Variants in TECTB observed in about 807,000 individuals in gnomAD.
The protein encoded by TECTB is tectorin beta.
A neutral mutation model predicts 43.3 loss-of-function variants in TECTB; 45 were observed. That is an observed-to-expected ratio of 1.04 (90% CI 0.82 to 1.33). The LOEUF is 1.33. Among genes scored for constraint, TECTB ranks in the 40% most tolerant of loss-of-function variants. TECTB has a pLI of 0.00. For synonymous variants in TECTB, 169 were observed against 156.7 expected, an observed-to-expected ratio of 1.08 and a Z score of -0.59; for missense variants, 399 against 404.7, an observed-to-expected ratio of 0.99 and a Z score of 0.12.
intron 3 of TECTB, among the ~76,000 whole-genome samples, chr10:112,285,231 T>A (rs942683743): frequency 6.6e-6 from 1 of 152,370 alleles, no homozygotes; most frequent in South Asian, 2.1e-4. Flanking sequence ...AAGTATCATA[T>A]GACAGACGAG....
intron 7 of TECTB, among the ~76,000 whole-genome samples, chr10:112,296,677 G>A (rs543784006): frequency 5.7e-4 from 87 of 152,184 alleles, no homozygotes; most frequent in African/African-American, 2.0e-3. Flanking sequence ...CAGATACAAA[G>A]GTACAGCATT....
Position 112,299,565 on chromosome 10 carries a change from GTA to G in TECTB, c.907+2_907+3del. 6.4e-7 allele frequency: 1 copy of G among 1,569,770 alleles called. No homozygotes were observed. The highest frequency in any genetic ancestry group is 8.6e-7 in the Non-Finnish European group (1 of 1,163,402). ...CTGGTCGTGGAGCTCTCCCTGCGGA[GTA>G]AGCGTCTCTGTTTTCCTCTGTTTTC... On this transcript the variant is annotated splice_donor_variant and splice_donor_region_variant and intron_variant, in intron 9 of 10. Transcript: ENST00000646139. LOFTEE classifies it high-confidence loss of function.
chr10:112,300,232 A>AAGAAAGAAAG (rs1369405144), intron 9 of TECTB, among the ~76,000 whole-genome samples: 13 of 36,170 alleles, frequency 3.6e-4, no homozygotes, highest in Admixed American at 1.6e-3. Context: ...GAAAGAAATA[A>AAGAAAGAAAG]AGAAAGAAAG....
chr10:112,296,038 C>A (rs1848544274), intron 7 of TECTB, among the ~76,000 whole-genome samples: 2 of 152,318 alleles, frequency 1.3e-5, no homozygotes, highest in East Asian at 1.9e-4. Flanking sequence ...TTTCTACATT[C>A]TTCCTAGTTG....
rs1236325978 is a variant in TECTB, at chr10:112,303,551, G to A, written c.*239G>A. 2.2e-5 allele frequency: 12 copies of A among 538,440 alleles called. No individual in the cohort carries two copies. Among genetic ancestry groups the A allele is most frequent in the Non-Finnish European group, 3.6e-5 (11 of 302,362 alleles). The allele number at this position is 538,440 out of a possible 1,614,324, so 33.4% of individuals were successfully genotyped here. ...GATCTCACAGTCCTTCTACAGCTGG[G>A]GGAGGAGCCTCCTTTCTCCATACTC... is the stretch of plus-strand genomic sequence containing the variant. On this transcript the variant is annotated 3_prime_UTR_variant, in exon 11 of 11. Coordinates refer to ENST00000646139, the MANE Select transcript of TECTB (RefSeq NM_058222.3).
chr10:112,303,023 C>A lies in TECTB; in HGVS notation c.941-240C>A, dbSNP rs1887134. The A allele has an allele frequency of 3.8e-3, 2,037 of 540,388 alleles. 67 individuals are homozygous for A. In the Admixed American group the frequency reaches 0.054, roughly 14 times the overall value. 33.5% of individuals were successfully genotyped at this position (540,388 alleles called of 1,614,324 possible). ...GTTTTTAAGTTCTACACTGAAAGCC[C>A]TAGAGTACCATGCACCATCACTGAT... is the stretch of plus-strand genomic sequence containing the variant. On this transcript the variant is annotated intron_variant, in intron 10 of 10. Transcript: ENST00000646139.
At position 112,293,807 on chromosome 10, in the gene TECTB, T is replaced by C. The variant is rs778243122; in HGVS notation, c.553T>C (p.Phe185Leu). The C allele has an allele frequency of 1.2e-6, 2 of 1,614,170 alleles. No homozygotes were observed. Among genetic ancestry groups the C allele is most frequent in the South Asian group, 2.2e-5 (2 of 91,084 alleles). ...LEASEIGSDLFAGVEAKGLSI... is the reference protein window; with the variant it reads ...LEASEIGSDLLAGVEAKGLSI... The stretch of plus-strand genomic sequence containing the variant: ...GGCATCCGAAATCGGTTCAGATCTG[T>C]TTGCAGGAGTGGAAGCCAAAGGGTT... The change falls in exon 6 of 11, where the codon TTT (phenylalanine) becomes CTT (leucine). Residue 185 changes from phenylalanine to leucine, a missense_variant. Coordinates refer to ENST00000646139, the MANE Select transcript of TECTB (RefSeq NM_058222.3).
chr10:112,286,383 T>G lies in TECTB; in HGVS notation c.475T>G (p.Phe159Val). ...ATTTGAGAGCCAACTGTCTCTCAAC[T>G]TCTACACTGTAAGTGGTCTCCAGGT... is the stretch of plus-strand genomic sequence containing the variant. ...GTFESQLSLN[F>V]YTNAKFSIKK... is the part of the protein sequence containing the mutation. Residue 159 changes from phenylalanine to valine, a missense_variant, in exon 5 of 11, where the codon TTC becomes GTC. By Grantham distance (50) the Phe-to-Val change is conservative. Coordinates refer to ENST00000646139, the MANE Select transcript of TECTB (RefSeq NM_058222.3). 6.2e-7 allele frequency: 1 copy of G among 1,607,126 alleles called. No individual in the cohort carries two copies. Among genetic ancestry groups the G allele is most frequent in the Admixed American group, 1.7e-5 (1 of 59,890 alleles).
In TECTB at chr10:112,286,383, T is replaced by C. The variant is rs1054384376; in HGVS notation, c.475T>C (p.Phe159Leu). ...ATTTGAGAGCCAACTGTCTCTCAAC[T>C]TCTACACTGTAAGTGGTCTCCAGGT... is the stretch of plus-strand genomic sequence containing the variant. The part of the protein sequence containing the change: ...GTFESQLSLN[F>L]YTNAKFSIKK... Residue 159 changes from phenylalanine (F) to leucine (L), a missense_variant, in exon 5 of 11, where the codon TTC becomes CTC. Phe to Leu is a conservative substitution (Grantham distance 22). Coordinates refer to ENST00000646139, the MANE Select transcript of TECTB (RefSeq NM_058222.3). 2 of 1,607,126 alleles carry C rather than the reference T, an allele frequency of 1.2e-6. No homozygotes were observed. The highest frequency in any genetic ancestry group is 1.7e-5 in the Admixed American group (1 of 59,890).
chr10:112,302,091 C>A lies in TECTB; in HGVS notation c.908-10C>A, dbSNP rs1848616864. On this transcript the variant is annotated splice_polypyrimidine_tract_variant and intron_variant, in intron 9 of 10. Coordinates refer to ENST00000646139, the MANE Select transcript of TECTB (RefSeq NM_058222.3). ...TTAAACTTTCTGCATTCTCTCTTTA[C>A]TCACTACAGGCAGGGGATTTTCCAG... is the stretch of plus-strand genomic sequence containing the variant. 6.2e-7 allele frequency: 1 copy of A among 1,613,718 alleles called. No homozygotes were observed. The highest frequency in any genetic ancestry group is 1.1e-5 in the South Asian group (1 of 91,014).
rs1222397287 is a variant in TECTB, at chr10:112,283,636, T to C, written c.-87-12T>C. 3.7e-6 allele frequency: 4 copies of C among 1,087,428 alleles called. No individual in the cohort carries two copies. Among genetic ancestry groups the C allele is most frequent in the East Asian group, 2.6e-5 (1 of 38,622 alleles). The allele number at this position is 1,087,428 out of a possible 1,614,324, so 67.4% of individuals were successfully genotyped here. ...CCTTGATTTTAACTTTTCATTCATGTTTCTGACTTAGAATGATCGAGGCTC... is the reference window on the plus strand; with the variant it reads ...CCTTGATTTTAACTTTTCATTCATGCTTCTGACTTAGAATGATCGAGGCTC... On this transcript the variant is annotated splice_polypyrimidine_tract_variant and intron_variant, in intron 1 of 10. Transcript: ENST00000646139.
Position 112,286,171 on chromosome 10 carries a change from A to G in TECTB, c.368A>G (p.Tyr123Cys). 1.2e-6 allele frequency: 2 copies of G among 1,614,124 alleles called. No homozygotes were observed. The highest frequency in any genetic ancestry group is 1.7e-6 in the Non-Finnish European group (2 of 1,180,016). Residue 123 changes from tyrosine (Y) to cysteine (C), a missense_variant, in exon 4 of 11, where the codon TAC (tyrosine) becomes TGC (cysteine). Coordinates refer to ENST00000646139, the MANE Select transcript of TECTB (RefSeq NM_058222.3). ...QPVNYSFSCTYHSTYLVNQAA... is the reference protein window; with the variant it reads ...QPVNYSFSCTCHSTYLVNQAA... Reference sequence around the variant, plus strand: ...GTCAACTACTCCTTCTCCTGCACCTACCACTCCACCTACTTGGTGAACCAG... The same window carrying G: ...GTCAACTACTCCTTCTCCTGCACCTGCCACTCCACCTACTTGGTGAACCAG...
At chr10:112,286,504 T>A in intron 5 of TECTB, 113 bp downstream of exon 5, 1 of 1,139,104 alleles carries the variant, frequency 8.8e-7, no homozygotes, top group Non-Finnish European at 1.2e-6. Flanking sequence ...GCCCCATTCT[T>A]AAATTCAAGT....
At chr10:112,298,370 AAGGGCAGATGCTCGTG>A in intron 8 of TECTB, 139 bp downstream of exon 8, 1 of 1,111,664 alleles carries the variant, frequency 9.0e-7, no homozygotes. Context: ...CACTGAGTAT[AAGGGCAGATGCTCGTG>A]AGGGCAGATG....
rs1848639447 is a variant in TECTB at position 112,304,816 on chromosome 10, C to T, written c.*1504C>T. ...AGTTCCAACGAGTTTAGGATCTCTT[C>T]TTTCTGTAAATTCAGAGTTTTTATA... On this transcript the variant is annotated 3_prime_UTR_variant, in exon 11 of 11. Transcript: ENST00000646139. 1 of 142,860 alleles carries T rather than the reference C, an allele frequency of 7.0e-6. No individual in the cohort carries two copies. The allele number at this position is 142,860 out of a possible 1,614,324, so 8.8% of individuals were successfully genotyped here. A position where few individuals can be genotyped will look rare whatever the true frequency, so the allele number is the denominator to read the frequency against.
intron 9 of TECTB, among the ~76,000 whole-genome samples, chr10:112,300,232 A>C (rs1848588467): frequency 1.1e-4 from 4 of 36,176 alleles, no homozygotes; most frequent in African/African-American, 4.3e-4. Context: ...GAAAGAAATA[A>C]AGAAAGAAAG....
intron 5 of TECTB, among the ~76,000 whole-genome samples, chr10:112,288,167 T>G (rs1008276095): frequency 6.6e-6 from 1 of 152,204 alleles, no homozygotes; most frequent in African/African-American, 2.4e-5. Context: ...GAATAATTGT[T>G]ATTTTAACCA....
At chr10:112,285,843 C>A (rs1032876371) in intron 3 of TECTB, among the ~76,000 whole-genome samples, 5 of 152,176 alleles carry the variant, frequency 3.3e-5, no homozygotes, top group Non-Finnish European at 7.3e-5. Flanking sequence ...AAGCATACGA[C>A]ATCAACCTAG....
chr10:112,293,406 G>T (rs112177446), intron 5 of TECTB, among the ~76,000 whole-genome samples: 1 of 152,206 alleles, frequency 6.6e-6, no homozygotes, highest in Non-Finnish European at 1.5e-5. Flanking sequence ...GTCCTTGGGC[G>T]ATTCAGTATA....
Sources: gnomAD v4.1 joint callset for allele counts (sites outside exome capture counted in the v4.1 genomes callset) on GRCh38, gnomAD v4.1.1 for gene constraint, MANE v1.5 for transcripts, NCBI Gene and HGNC (gene_info 2026-07-23, HGNC 2026-07-21) for gene names.